Variants in PTPRK observed in about 807,000 individuals in gnomAD.
PTPRK encodes the protein protein tyrosine phosphatase receptor type K, also known as receptor-type tyrosine-protein phosphatase kappa.
PTPRK carries 75 observed loss-of-function variants against 178.0 expected under a neutral mutation model. The observed-to-expected ratio is 0.42, with a 90% CI of 0.35 to 0.51. PTPRK has a LOEUF of 0.51. Among genes scored for constraint, PTPRK ranks in the 20% least tolerant of loss-of-function variants. The pLI is 0.02. For missense variants in PTPRK, 1,441 were observed against 1,797.8 expected (o/e 0.80, Z 3.59); for synonymous variants, 637 against 620.6 (o/e 1.03, Z -0.39).
intron 2 of PTPRK, among the ~76,000 whole-genome samples, chr6:128,347,670 T>C (rs1207907149): frequency 6.6e-6 from 1 of 152,068 alleles, no homozygotes; most frequent in African/African-American, 2.4e-5. Context: ...CAGATCTTTT[T>C]TAAGCTCACT....
Position 128,219,074 on chromosome 6 carries a change from G to C in PTPRK, c.716C>G (p.Pro239Arg), listed in dbSNP as rs866368847. ...ATTGATGTTCTTAGTCTGGGCTACT[G>C]GTATATCTTCTCCATTTCGTCTCTG... is the stretch of plus-strand genomic sequence containing the variant. ...WLQRRNGEDI[P>R]VAQTKNINHR... Residue 239 changes from proline to arginine, a missense_variant, in exon 6 of 30, where the codon CCA becomes CGA. Around this residue, in one of 4 missense-constraint regions of PTPRK, gnomAD observed 945 missense variants for 1,080.6 expected, o/e 0.87. Coordinates refer to ENST00000368226, the MANE Select transcript of PTPRK (RefSeq NM_002844.4). 1 of 1,613,266 alleles carries C rather than the reference G, an allele frequency of 6.2e-7. No homozygotes were observed. Among genetic ancestry groups the C allele is most frequent in the African/African-American group, 1.3e-5 (1 of 74,858 alleles).
chr6:128,293,909 TTG>T (rs1255611203), intron 3 of PTPRK, among the ~76,000 whole-genome samples: 3 of 152,040 alleles, frequency 2.0e-5, no homozygotes, highest in African/African-American at 7.2e-5. Context: ...TGTGCATACA[TTG>T]TGATCAGATG....
At chr6:128,172,649 G>GTA (rs753895364) in intron 7 of PTPRK, among the ~76,000 whole-genome samples, 37 of 150,416 alleles carry the variant, frequency 2.5e-4, no homozygotes, top group South Asian at 8.4e-4. Flanking sequence ...TATATAATGT[G>GTA]TATATATATA....
At chr6:128,481,339 A>G (rs965082438) in intron 1 of PTPRK, among the ~76,000 whole-genome samples, 3 of 152,060 alleles carry the variant, frequency 2.0e-5, no homozygotes, top group Non-Finnish European at 4.4e-5. Context: ...ATCTTTTTTC[A>G]TATTTGCAAT....
intron 13 of PTPRK, among the ~76,000 whole-genome samples, chr6:128,038,221 A>G (rs1168253623): frequency 6.6e-6 from 1 of 152,196 alleles, no homozygotes; most frequent in African/African-American, 2.4e-5. Flanking sequence ...AGAAATTTAA[A>G]ATACTAATGT....
chr6:128,448,127 C>T (rs1935129), intron 1 of PTPRK, among the ~76,000 whole-genome samples: 16,446 of 152,146 alleles, frequency 0.11, 1,383 homozygotes, highest in African/African-American at 0.24. Flanking sequence ...CTCTAACGCA[C>T]GTACACGCTA....
At chr6:128,119,099 T>C (rs896962872) in intron 7 of PTPRK, among the ~76,000 whole-genome samples, 1 of 152,168 alleles carries the variant, frequency 6.6e-6, no homozygotes, top group African/African-American at 2.4e-5. Context: ...ATTTCACCTA[T>C]TGGCTAAATA....
intron 1 of PTPRK, among the ~76,000 whole-genome samples, chr6:128,476,511 G>A (rs1358596391): frequency 6.6e-6 from 1 of 151,996 alleles, no homozygotes; most frequent in African/African-American, 2.4e-5. Context: ...CCAAAAATAT[G>A]TAAGCAGTAT....
chr6:128,225,723 T>C (rs1811182703), intron 5 of PTPRK, among the ~76,000 whole-genome samples: 1 of 152,156 alleles, frequency 6.6e-6, no homozygotes, highest in Non-Finnish European at 1.5e-5. Context: ...CTGTTTCTTA[T>C]TTATGGCCAT....
At chr6:128,278,209 T>TGCAATG (rs1821081497) in intron 3 of PTPRK, among the ~76,000 whole-genome samples, 1 of 151,810 alleles carries the variant, frequency 6.6e-6, no homozygotes, top group East Asian at 1.9e-4. Flanking sequence ...TGGGCTGGAG[T>TGCAATG]GCAATGGCGT....
chr6:128,038,081 A>G (rs1776523460), intron 13 of PTPRK, among the ~76,000 whole-genome samples: 1 of 152,222 alleles, frequency 6.6e-6, no homozygotes, highest in Non-Finnish European at 1.5e-5. Flanking sequence ...ACACTGAAAA[A>G]GACTTCTATC....
chr6:128,302,391 C>CAAAAAAAAAAAAAAAAAAAAAAAAA (rs534525238), intron 3 of PTPRK, among the ~76,000 whole-genome samples: 1 of 30,914 alleles, frequency 3.2e-5, no homozygotes, highest in African/African-American at 5.9e-5. Context: ...GACTCAATTC[C>CAAAAAAAAAAAAAAAAAAAAAAAAA]AAAAAAAAAA....
At chr6:128,299,203 G>A (rs929312933) in intron 3 of PTPRK, among the ~76,000 whole-genome samples, 3 of 152,020 alleles carry the variant, frequency 2.0e-5, no homozygotes, top group Non-Finnish European at 4.4e-5. Context: ...ACAAACCACT[G>A]CTCAAGGAAA....
chr6:128,310,480 A>G (rs914497895), intron 3 of PTPRK, among the ~76,000 whole-genome samples: 1 of 152,220 alleles, frequency 6.6e-6, no homozygotes, highest in African/African-American at 2.4e-5. Context: ...AGGAAGACAC[A>G]AAAACAAACT....
intron 4 of PTPRK, 37 bp downstream of exon 4, chr6:128,242,484 A>C: frequency 6.3e-7 from 1 of 1,598,124 alleles, no homozygotes; most frequent in Non-Finnish European, 8.5e-7. Flanking sequence ...AAGTGTGGAA[A>C]GGACATAGAA....
intron 6 of PTPRK, among the ~76,000 whole-genome samples, chr6:128,198,128 C>A (rs1371045032): frequency 6.6e-6 from 1 of 152,104 alleles, no homozygotes; most frequent in Non-Finnish European, 1.5e-5. Flanking sequence ...AAATTTATAG[C>A]CCACAGAAGC....
intron 19 of PTPRK, among the ~76,000 whole-genome samples, chr6:127,991,626 T>C (rs1297649032): frequency 6.6e-6 from 1 of 150,712 alleles, no homozygotes; most frequent in Non-Finnish European, 1.5e-5. Flanking sequence ...CTTCCCAATT[T>C]AGAAGAAACT....
rs112024153 is a variant in PTPRK, at chr6:128,331,494, T to C, written c.224-9184A>G. 8.0e-3 allele frequency among the ~76,000 whole-genome samples: 1,209 copies of C among 151,828 alleles called. 11 individuals carry two copies. The highest frequency in any genetic ancestry group is 0.02 in the Middle Eastern group (6 of 294). On this transcript the variant is annotated intron_variant, in intron 2 of 29. Transcript: ENST00000368226. ...GATAGTCAAAGAGAAAAAAAAAGAG[T>C]AAAATTTGAAATGATAATAAGCAAA... is the stretch of plus-strand genomic sequence containing the variant.
chr6:128,029,220 T>C (rs1774858487), intron 13 of PTPRK, among the ~76,000 whole-genome samples: 1 of 152,062 alleles, frequency 6.6e-6, no homozygotes, highest in Admixed American at 6.6e-5. Context: ...TGTCTCCCTC[T>C]CTTGCCAAGT....
Sources: allele counts gnomAD v4.1 joint callset (sites outside exome capture counted in the v4.1 genomes callset), GRCh38; gene constraint gnomAD v4.1.1; regional missense constraint gnomAD v4.1.1; transcripts MANE v1.5; gene names NCBI Gene and HGNC (gene_info 2026-07-23, HGNC 2026-07-21).